Variants in SLC9B1 observed in about 807,000 individuals in gnomAD.
SLC9B1 encodes solute carrier family 9 member B1.
In SLC9B1, 32 loss-of-function variants were observed where a neutral mutation model predicts 51.7. That is an observed-to-expected ratio of 0.62 (90% CI 0.47 to 0.83). The LOEUF (loss-of-function observed/expected upper bound fraction) is 0.83. SLC9B1 is among the 40% of genes least tolerant of loss of function. The pLI, the probability that SLC9B1 is intolerant of heterozygous loss-of-function variation, is 0.00. For synonymous variants in SLC9B1, 145 were observed against 212.7 expected (o/e 0.68, Z 2.77); for missense variants, 406 against 613.2 (o/e 0.66, Z 3.57).
At chr4:103,000,663 T>C (rs868748334) in intron 1 of SLC9B1, among the ~76,000 whole-genome samples, 1 of 152,228 alleles carries the variant, frequency 6.6e-6, no homozygotes, top group East Asian at 1.9e-4. Context: ...TTTGACTCCA[T>C]GTCTCACATC....
chr4:102,993,480 C>T (rs987779835), intron 1 of SLC9B1, among the ~76,000 whole-genome samples: 2 of 152,222 alleles, frequency 1.3e-5, no homozygotes, highest in Non-Finnish European at 2.9e-5. Flanking sequence ...TGCAGAGTTA[C>T]AGTCCCACTC....
At chr4:102,904,163 A>G (rs1238271166) in intron 11 of SLC9B1, among the ~76,000 whole-genome samples, 1 of 151,798 alleles carries the variant, frequency 6.6e-6, no homozygotes, top group Non-Finnish European at 1.5e-5. Flanking sequence ...AGTTCAAGCA[A>G]TCCTCCTGCC....
intron 7 of SLC9B1, among the ~76,000 whole-genome samples, chr4:102,922,182 G>C (rs1334291206): frequency 6.6e-6 from 1 of 152,156 alleles, no homozygotes; most frequent in Non-Finnish European, 1.5e-5. Context: ...GTCAGCAAAT[G>C]TAAAAGAACA....
chr4:102,969,829 C>A (rs948872329), intron 3 of SLC9B1, among the ~76,000 whole-genome samples: 1 of 152,108 alleles, frequency 6.6e-6, no homozygotes, highest in African/African-American at 2.4e-5. Context: ...GGCATGAGAA[C>A]TACATGACGC....
At chr4:102,962,568 T>C in intron 3 of SLC9B1, 3 of 475,758 alleles carry the variant, frequency 6.3e-6, no homozygotes, top group South Asian at 3.1e-5. Flanking sequence ...GGTGAATGTA[T>C]GTTAATGAGT....
At chr4:102,890,178 C>G (rs1393364328) in intron 11 of SLC9B1, 36 of 152,196 alleles carry the variant, frequency 2.4e-4, no homozygotes, top group Non-Finnish European at 1.5e-5. Context: ...TCACACAATT[C>G]AGCTTTGAGT....
chr4:102,902,888 GA>G (rs777907996), intron 11 of SLC9B1, among the ~76,000 whole-genome samples: 8 of 152,168 alleles, frequency 5.3e-5, no homozygotes, highest in Non-Finnish European at 1.0e-4. Flanking sequence ...AGAAAGAGCT[GA>G]ACCTTAGCCA....
chr4:102,995,465 T>C (rs1305249610), intron 1 of SLC9B1, among the ~76,000 whole-genome samples: 2 of 152,110 alleles, frequency 1.3e-5, no homozygotes, highest in African/African-American at 4.8e-5. Context: ...CAGCATATTT[T>C]AAGATATGTA....
In SLC9B1 at chr4:102,949,300, T is replaced by A; in HGVS notation, c.339A>T (p.Gln113His). ...GAGGCACTAAAGGTATTCTAATGAG[T>A]TGTAAAATTTTTCCCCCAATAATGG... ...YSAIIGGKIL[Q>H]LIRIPLVPPL... is the part of the protein sequence containing the mutation. Residue 113 changes from glutamine (Q) to histidine (H), a missense_variant, in exon 4 of 12, where the codon CAA becomes CAT. This residue lies in a region of SLC9B1 where 250 missense variants were observed against 394.1 expected (regional missense o/e 0.63). Coordinates refer to ENST00000296422, the MANE Select transcript of SLC9B1 (RefSeq NM_139173.4). The A allele has an allele frequency of 6.2e-7, 1 of 1,607,306 alleles. No homozygotes were observed. The highest frequency in any genetic ancestry group is 8.5e-7 in the Non-Finnish European group (1 of 1,177,762).
At chr4:102,984,933 A>G (rs1739537736) in intron 3 of SLC9B1, among the ~76,000 whole-genome samples, 1 of 152,156 alleles carries the variant, frequency 6.6e-6, no homozygotes, top group South Asian at 2.1e-4. Context: ...CCTCCTATTC[A>G]GCCTCCAGAG....
At position 102,911,513 on chromosome 4, in the gene SLC9B1, G is replaced by T. The variant is rs1411875689; in HGVS notation, c.854C>A (p.Ala285Asp). The T allele has an allele frequency of 2.5e-6, 4 of 1,596,074 alleles. No homozygotes were observed. The Admixed American group carries it at 5.0e-5, about 20-fold the overall frequency. ...ACTAATACATACGTTCCTTATAGAGGCTATGGCGTTATTAAGTATACCACC... is the reference window on the plus strand; with the variant it reads ...ACTAATACATACGTTCCTTATAGAGTCTATGGCGTTATTAAGTATACCACC... ...SSGGILNNAI[A>D]SIRNVCISLL... Residue 285 changes from alanine (A) to aspartate (D), a missense_variant, in exon 8 of 12, where the codon GCC becomes GAC. This residue lies in a region of SLC9B1 where 250 missense variants were observed against 394.1 expected (regional missense o/e 0.63). Coordinates refer to ENST00000296422, the MANE Select transcript of SLC9B1 (RefSeq NM_139173.4).
chr4:102,988,292 C>A (rs1739764854), intron 3 of SLC9B1, among the ~76,000 whole-genome samples: 2 of 152,072 alleles, frequency 1.3e-5, no homozygotes, highest in African/African-American at 2.4e-5. Context: ...AGCCATTCCC[C>A]AAATGAGGTA....
At chr4:102,982,099 CTT>C (rs772354236) in intron 3 of SLC9B1, among the ~76,000 whole-genome samples, 2 of 143,070 alleles carry the variant, frequency 1.4e-5, no homozygotes, top group Non-Finnish European at 3.1e-5. Context: ...GTATAGATTC[CTT>C]TTTTTTTTTG....
intron 3 of SLC9B1, among the ~76,000 whole-genome samples, chr4:102,975,713 T>C (rs1578394725): frequency 6.8e-6 from 1 of 147,798 alleles, no homozygotes; most frequent in Non-Finnish European, 1.5e-5. Flanking sequence ...GGACTACAGG[T>C]GCATGCCATG....
chr4:102,958,884 C>A (rs1737939728), intron 3 of SLC9B1, among the ~76,000 whole-genome samples: 1 of 151,896 alleles, frequency 6.6e-6, no homozygotes, highest in Admixed American at 6.6e-5. Context: ...GATCCCACCA[C>A]TGCACTCCAG....
At chr4:102,971,411 G>A (rs927709463) in intron 3 of SLC9B1, among the ~76,000 whole-genome samples, 9 of 152,062 alleles carry the variant, frequency 5.9e-5, no homozygotes, top group African/African-American at 2.2e-4. Context: ...TGAAATGAAG[G>A]CAGAAATAAA....
intron 6 of SLC9B1, among the ~76,000 whole-genome samples, chr4:102,943,317 C>G (rs901810322): frequency 1.3e-5 from 2 of 151,864 alleles, no homozygotes; most frequent in African/African-American, 4.8e-5. Flanking sequence ...TCTAGCAATC[C>G]CAATACTGGG....
chr4:102,941,747 C>G (rs1023774477), intron 6 of SLC9B1, among the ~76,000 whole-genome samples: 1 of 147,068 alleles, frequency 6.8e-6, no homozygotes, highest in Non-Finnish European at 1.5e-5. Flanking sequence ...AGAACTGGAA[C>G]AAGACAAGGA....
intron 1 of SLC9B1, among the ~76,000 whole-genome samples, chr4:102,997,566 G>A (rs1023810924): frequency 6.6e-6 from 1 of 152,050 alleles, no homozygotes; most frequent in East Asian, 1.9e-4. Context: ...CTGTAGATTT[G>A]TTTGGATTTT....
Sources: allele counts gnomAD v4.1 joint callset (sites outside exome capture counted in the v4.1 genomes callset), GRCh38; gene constraint gnomAD v4.1.1; regional missense constraint gnomAD v4.1.1; transcripts MANE v1.5; gene names NCBI Gene and HGNC (gene_info 2026-07-23, HGNC 2026-07-21).